TOP1: variants seen among roughly 807,000 people sequenced by gnomAD.
The protein encoded by TOP1 is DNA topoisomerase 1.
Under a neutral mutation model 111.1 loss-of-function variants are expected in TOP1, and 10 were observed. That is an observed-to-expected ratio of 0.09 (90% confidence interval 0.06 to 0.15). The LOEUF (loss-of-function observed/expected upper bound fraction) is 0.15, where lower values mean the gene tolerates loss of function less well. Among genes scored for constraint, TOP1 ranks in the 10% least tolerant of loss-of-function variants. TOP1 has a pLI of 1.00. For missense variants in TOP1, 474 were observed against 926.7 expected (o/e 0.51, Z 6.34); for synonymous variants, 271 against 302.9 (o/e 0.89, Z 1.10).
At chr20:41,039,778 G>A (rs2033237540) in intron 2 of TOP1, among the ~76,000 whole-genome samples, 1 of 152,098 alleles carries the variant, frequency 6.6e-6, no homozygotes, top group Non-Finnish European at 1.5e-5. Context: ...CGTGGTGGCG[G>A]GCGCCTGTAG....
intron 2 of TOP1, among the ~76,000 whole-genome samples, chr20:41,040,901 A>G (rs2033255939): frequency 6.6e-6 from 1 of 151,906 alleles, no homozygotes; most frequent in Non-Finnish European, 1.5e-5. Context: ...TTAGAATTTC[A>G]TAAGGTTTAG....
At chr20:41,088,270 G>A (rs576385874) in intron 8 of TOP1, among the ~76,000 whole-genome samples, 27 of 152,252 alleles carry the variant, frequency 1.8e-4, no homozygotes, top group Non-Finnish European at 3.1e-4. Context: ...AGGCCGAAGC[G>A]GGCAGATCAC....
rs1411584274 is a variant in TOP1 at position 41,110,380 on chromosome 20, T to C, written c.1309-2402T>C. ...ACTAGGCAAAATTTATCCATGATGA[T>C]AGTAATCAGATTGAAGGATCAGTGG... On this transcript the variant is annotated intron_variant, in intron 13 of 20. Coordinates refer to ENST00000361337, the MANE Select transcript of TOP1 (RefSeq NM_003286.4). The surrounding 1 kb of genome is among the most constrained non-coding windows in gnomAD (Gnocchi z 4.2). Among the ~76,000 whole-genome samples, 1 of 152,200 alleles carries C rather than the reference T, an allele frequency of 6.6e-6. No individual in the cohort carries two copies. The highest frequency in any genetic ancestry group is 6.5e-5 in the Admixed American group (1 of 15,276).
intron 2 of TOP1, among the ~76,000 whole-genome samples, chr20:41,054,556 C>T (rs963121091): frequency 9.2e-5 from 14 of 152,196 alleles, no homozygotes; most frequent in African/African-American, 3.1e-4. Flanking sequence ...ATTTCTCTAT[C>T]GTAAGAGTGG....
chr20:41,039,022 G>C (rs977701225), intron 2 of TOP1, among the ~76,000 whole-genome samples: 4 of 151,574 alleles, frequency 2.6e-5, no homozygotes, highest in African/African-American at 9.7e-5. Flanking sequence ...CATCATCTTT[G>C]GCAGTGATTA....
At position 41,079,966 on chromosome 20, in the gene TOP1, A is replaced by G. The variant is rs2033770109; in HGVS notation, c.336-119A>G. 1 of 661,252 alleles carries G rather than the reference A, an allele frequency of 1.5e-6. No individual in the cohort carries two copies. The allele number at this position is 661,252 out of a possible 1,614,324, so 41.0% of individuals were successfully genotyped here. On this transcript the variant is annotated intron_variant, in intron 5 of 20. Transcript: ENST00000361337. This position sits in a 1 kb window ranked among gnomAD's most constrained non-coding sequence, Gnocchi z 4.0. ...AGTGCTCACAGAACATCTTCATGAT[A>G]TGTACGTGGTTATCCTTATTTCTGT...
At position 41,113,764 on chromosome 20, in the gene TOP1, T is replaced by TC. The variant is rs571355287; in HGVS notation, c.1453-203dup. ...TTGGCGTGGTGGCGGGCGCCTGTAG[T>TC]CCCAGCTACTTCGGAGGCTGAGGCA... On this transcript the variant is annotated intron_variant, in intron 14 of 20. Coordinates refer to ENST00000361337, the MANE Select transcript of TOP1 (RefSeq NM_003286.4). Among the ~76,000 whole-genome samples the TC allele has an allele frequency of 2.1e-3, 309 of 150,320 alleles. 1 individual carries two copies. Among genetic ancestry groups the TC allele is most frequent in the African/African-American group, 6.1e-3 (251 of 41,036 alleles).
At chr20:41,051,363 A>G (rs1464230070) in intron 2 of TOP1, among the ~76,000 whole-genome samples, 3 of 152,194 alleles carry the variant, frequency 2.0e-5, no homozygotes, top group Admixed American at 6.5e-5. Flanking sequence ...CTTTGCTTAT[A>G]AGGCAGCAAA....
chr20:41,093,897 A>G (rs2145946839), intron 9 of TOP1, among the ~76,000 whole-genome samples: 1 of 152,156 alleles, frequency 6.6e-6, no homozygotes, highest in East Asian at 1.9e-4. Context: ...TTAAAATGCC[A>G]TATTTATTAG....
At chr20:41,073,257 GA>G (rs1336827041) in intron 3 of TOP1, 7 of 984,798 alleles carry the variant, frequency 7.1e-6, no homozygotes, top group African/African-American at 1.8e-5. Flanking sequence ...AACATTCTAA[GA>G]AATGCTTTCA....
At chr20:41,077,196 A>G (rs2033738228) in intron 4 of TOP1, among the ~76,000 whole-genome samples, 1 of 152,200 alleles carries the variant, frequency 6.6e-6, no homozygotes, top group Non-Finnish European at 1.5e-5. Context: ...TTGGGATTAC[A>G]GGCATGAGCC....
chr20:41,076,972 T>C (rs1032394032), intron 4 of TOP1, among the ~76,000 whole-genome samples: 8 of 152,240 alleles, frequency 5.3e-5, no homozygotes, highest in Non-Finnish European at 1.0e-4. Context: ...TATGAAGATT[T>C]TTTTGAAAGA....
chr20:41,088,899 A>G (rs1020533596), intron 8 of TOP1, among the ~76,000 whole-genome samples: 2 of 152,028 alleles, frequency 1.3e-5, no homozygotes, highest in Non-Finnish European at 2.9e-5. Context: ...TAAGTGTACA[A>G]TTCGGTGGCA....
chr20:41,066,818 T>C (rs2033614480), intron 3 of TOP1, among the ~76,000 whole-genome samples: 1 of 152,068 alleles, frequency 6.6e-6, no homozygotes, highest in African/African-American at 2.4e-5. Context: ...CCTCCCAAAG[T>C]CTTGGGATTA....
At position 41,082,822 on chromosome 20, in the gene TOP1, T is replaced by C. The variant is rs1433301932; in HGVS notation, c.507+1582T>C. Among the ~76,000 whole-genome samples the C allele has an allele frequency of 8.1e-6, 1 of 123,218 alleles. No homozygotes were observed. The highest frequency in any genetic ancestry group is 3.2e-5 in the African/African-American group (1 of 31,700). The allele number at this position is 123,218 out of a possible 152,430, so 80.8% of individuals were successfully genotyped here. A position where few individuals can be genotyped will look rare whatever the true frequency, so the allele number is the denominator to read the frequency against. On this transcript the variant is annotated intron_variant, in intron 7 of 20. Transcript: ENST00000361337. This position sits in a 1 kb window ranked among gnomAD's most constrained non-coding sequence, Gnocchi z 4.1. The stretch of plus-strand genomic sequence containing the variant: ...ACTAGTCAGTAAAGGAATATAAAAC[T>C]TGAGTTCTCCAAGTGTTTTTTTTTT...
chr20:41,049,151 G>A lies in TOP1; in HGVS notation c.59-12243G>A, dbSNP rs193218916. On this transcript the variant is annotated intron_variant, in intron 2 of 20. Transcript: ENST00000361337. ...CCTCCTTCTTGTGTGTCTTTTCCAT[G>A]GCAAAGCCTTTAAGGATAATAGCTG... Among the ~76,000 whole-genome samples the A allele has an allele frequency of 3.0e-4, 45 of 152,282 alleles. No homozygotes were observed. In the East Asian group the frequency reaches 5.8e-3, roughly 20 times the overall value.
intron 8 of TOP1, among the ~76,000 whole-genome samples, chr20:41,086,787 A>G (rs947107021): frequency 6.6e-6 from 1 of 152,244 alleles, no homozygotes; most frequent in South Asian, 2.1e-4. Context: ...AGACTTTGCT[A>G]CAGCTTCTAA....
In TOP1 at chr20:41,101,999, CT is replaced by C. The variant is rs1050331939; in HGVS notation, c.1308+649del. Among the ~76,000 whole-genome samples, 1 of 152,156 alleles carries C rather than the reference CT, an allele frequency of 6.6e-6. No homozygotes were observed. Among genetic ancestry groups the C allele is most frequent in the Non-Finnish European group, 1.5e-5 (1 of 68,016 alleles). On this transcript the variant is annotated intron_variant, in intron 13 of 20. Coordinates refer to ENST00000361337, the MANE Select transcript of TOP1 (RefSeq NM_003286.4). This position sits in a 1 kb window ranked among gnomAD's most constrained non-coding sequence, Gnocchi z 4.1. ...TTGCCAGATAGCTATGTATATCTAG[CT>C]TTGGAGAGTCCCACGAACTTCTTCC...
chr20:41,075,182 A>G (rs1488468196), intron 3 of TOP1, among the ~76,000 whole-genome samples: 1 of 151,782 alleles, frequency 6.6e-6, no homozygotes, highest in South Asian at 2.1e-4. Context: ...TAATTAATTA[A>G]TTTTTTTGAG....
Sources: allele counts gnomAD v4.1 joint callset (sites outside exome capture counted in the v4.1 genomes callset), GRCh38; gene constraint gnomAD v4.1.1; non-coding constraint Gnocchi (gnomAD v3.1); transcripts MANE v1.5; gene names NCBI Gene and HGNC (gene_info 2026-07-23, HGNC 2026-07-21).